The following UBE2Z variants were observed in gnomAD, a reference collection of about 807,000 sequenced individuals.
UBE2Z encodes ubiquitin-conjugating enzyme E2 Z.
UBE2Z carries 10 observed loss-of-function variants against 32.6 expected under a neutral mutation model. The observed-to-expected ratio is 0.31, with a 90% CI of 0.19 to 0.52. The LOEUF is 0.52. Among genes scored for constraint, UBE2Z ranks in the 20% least tolerant of loss-of-function variants. The pLI, the probability that UBE2Z is intolerant of heterozygous loss-of-function variation, is 0.97. For synonymous variants in UBE2Z, 183 were observed against 190.8 expected (o/e 0.96, Z 0.34); for missense variants, 343 against 480.9 (o/e 0.71, Z 2.68).
chr17:48,917,300 G>A (rs568545889), intron 4 of UBE2Z, among the ~76,000 whole-genome samples: 9 of 152,000 alleles, frequency 5.9e-5, no homozygotes, highest in Non-Finnish European at 7.4e-5. Context: ...GCGAGACACC[G>A]TCTTAAAAAA....
At chr17:48,916,600 T>TGTTTTGTTTG (rs1328737287) in intron 4 of UBE2Z, among the ~76,000 whole-genome samples, 1 of 151,578 alleles carries the variant, frequency 6.6e-6, no homozygotes, top group Admixed American at 6.6e-5. Context: ...TGTTTTGTTT[T>TGTTTTGTTTG]GTTTTGTTTT....
At chr17:48,922,374 G>A (rs780757070) in intron 5 of UBE2Z, among the ~76,000 whole-genome samples, 13 of 152,036 alleles carry the variant, frequency 8.6e-5, no homozygotes, top group African/African-American at 2.4e-4. Context: ...GCAAAAGAGC[G>A]AGACTCAGTC....
intron 5 of UBE2Z, 96 bp downstream of exon 5, chr17:48,921,368 A>T: frequency 1.1e-6 from 1 of 932,696 alleles, no homozygotes; most frequent in Non-Finnish European, 1.7e-6. Context: ...AGAGGGAGAT[A>T]GAGAAGAAGG....
chr17:48,919,166 A>G (rs544858517), intron 4 of UBE2Z, among the ~76,000 whole-genome samples: 2 of 150,818 alleles, frequency 1.3e-5, no homozygotes, highest in African/African-American at 2.4e-5. Flanking sequence ...TTGTATTTTT[A>G]GTAGAGACGG....
intron 2 of UBE2Z, chr17:48,911,218 C>G (rs2040674599): frequency 3.9e-6 from 1 of 256,594 alleles, no homozygotes; most frequent in Non-Finnish European, 7.8e-6. Context: ...ATTGTACTAC[C>G]CAGCTCTTCC....
intron 4 of UBE2Z, among the ~76,000 whole-genome samples, chr17:48,920,566 A>G (rs1213081539): frequency 6.6e-6 from 1 of 151,992 alleles, no homozygotes; most frequent in Non-Finnish European, 1.5e-5. Flanking sequence ...CCAGCTACTC[A>G]GGAGGCTGAG....
At chr17:48,918,978 C>A (rs2040740713) in intron 4 of UBE2Z, among the ~76,000 whole-genome samples, 1 of 152,214 alleles carries the variant, frequency 6.6e-6, no homozygotes, top group East Asian at 1.9e-4. Context: ...AACATATGGC[C>A]TCAAGCAGTC....
At chr17:48,926,492 T>G (rs2040799192) in intron 6 of UBE2Z, among the ~76,000 whole-genome samples, 1 of 122,102 alleles carries the variant, frequency 8.2e-6, no homozygotes, top group Non-Finnish European at 1.8e-5. Context: ...TTTTTTTTTT[T>G]GAGACCAAGT....
At chr17:48,910,714 C>A in intron 1 of UBE2Z, 94 bp from the exon 2 acceptor site, 1 of 934,034 alleles carries the variant, frequency 1.1e-6, no homozygotes, top group Non-Finnish European at 1.8e-6. Context: ...CAAACCCTGG[C>A]CTCATTGAGG....
intron 4 of UBE2Z, 71 bp downstream of exon 4, chr17:48,916,258 G>T (rs200150101): frequency 0.024 from 10,149 of 415,478 alleles, 49 homozygotes; most frequent in East Asian, 0.033. Context: ...TGGTTTTTTT[G>T]TTTTTTTTTT....
chr17:48,917,309 AAAT>A (rs897801487), intron 4 of UBE2Z, among the ~76,000 whole-genome samples: 13 of 152,146 alleles, frequency 8.5e-5, no homozygotes, highest in Non-Finnish European at 1.8e-4. Context: ...CGTCTTAAAA[AAAT>A]AATAATAATA....
chr17:48,915,336 T>C (rs745825652), intron 3 of UBE2Z, among the ~76,000 whole-genome samples: 2 of 152,168 alleles, frequency 1.3e-5, no homozygotes, highest in African/African-American at 2.4e-5. Flanking sequence ...AAGCCAGTCC[T>C]GGCTTAGGTT....
At chr17:48,913,765 G>A (rs181920122) in intron 3 of UBE2Z, among the ~76,000 whole-genome samples, 17 of 152,358 alleles carry the variant, frequency 1.1e-4, no homozygotes, top group African/African-American at 3.8e-4. Context: ...GGTTGAGAAA[G>A]GCTGCAGGTC....
chr17:48,925,630 T>A (rs2040792576), intron 6 of UBE2Z, among the ~76,000 whole-genome samples: 1 of 152,062 alleles, frequency 6.6e-6, no homozygotes, highest in South Asian at 2.1e-4. Flanking sequence ...GCAATATCAG[T>A]GTGTAAAGGA....
At chr17:48,915,867 C>CCCT (rs1433303419) in intron 3 of UBE2Z, 1 of 308,364 alleles carries the variant, frequency 3.2e-6, no homozygotes, top group Non-Finnish European at 5.9e-6. Flanking sequence ...GTTCTTTTGC[C>CCCT]CCCCCCCCTT....
chr17:48,922,784 G>A, intron 5 of UBE2Z, 63 bp from the exon 6 acceptor site: 4 of 1,352,118 alleles, frequency 3.0e-6, no homozygotes, highest in East Asian at 2.4e-5. Flanking sequence ...AAAAAGGTTA[G>A]GTAAGGAAGG....
chr17:48,920,090 G>C (rs2040749000), intron 4 of UBE2Z, among the ~76,000 whole-genome samples: 1 of 152,026 alleles, frequency 6.6e-6, no homozygotes, highest in Admixed American at 6.6e-5. Flanking sequence ...GGGAAGCTGA[G>C]GAGAGGAGCA....
chr17:48,915,619 G>A, intron 3 of UBE2Z: 1 of 180,732 alleles, frequency 5.5e-6, no homozygotes, highest in South Asian at 1.1e-4. Flanking sequence ...ATCCCCAATA[G>A]CCCCACCACA....
chr17:48,909,728 A>G (rs1199267200), intron 1 of UBE2Z, among the ~76,000 whole-genome samples: 1 of 152,126 alleles, frequency 6.6e-6, no homozygotes, highest in East Asian at 1.9e-4. Flanking sequence ...GCATAAGAAA[A>G]GGGCAGTGCT....
Sources: allele counts gnomAD v4.1 joint callset (sites outside exome capture counted in the v4.1 genomes callset), GRCh38; gene constraint gnomAD v4.1.1; transcripts MANE v1.5; gene names NCBI Gene and HGNC (gene_info 2026-07-23, HGNC 2026-07-21).